The following TACR1 variants were observed in gnomAD, a reference collection of about 807,000 sequenced individuals.
TACR1 encodes the protein substance-P receptor.
TACR1 carries 25 observed loss-of-function variants against 35.8 expected under a neutral mutation model. That is an observed-to-expected ratio of 0.70 (90% CI 0.51 to 0.98). TACR1 has a LOEUF of 0.98. TACR1 is among the 50% of genes least tolerant of loss of function. The probability of loss-of-function intolerance (pLI) is 0.00; values close to 1 mark genes in which losing one functional copy is unlikely to be tolerated. For synonymous variants in TACR1, 195 were observed against 206.7 expected (o/e 0.94, Z 0.48); for missense variants, 478 against 522.9 (o/e 0.91, Z 0.84).
intron 1 of TACR1, among the ~76,000 whole-genome samples, chr2:75,161,015 A>C (rs1388558372): frequency 1.3e-5 from 2 of 152,046 alleles, no homozygotes; most frequent in Non-Finnish European, 2.9e-5. Flanking sequence ...ACATTTACAA[A>C]ATTATGACAT....
At chr2:75,117,755 A>G (rs952579091) in intron 2 of TACR1, among the ~76,000 whole-genome samples, 9 of 152,236 alleles carry the variant, frequency 5.9e-5, no homozygotes, top group Non-Finnish European at 8.8e-5. Flanking sequence ...TTAGCCTACA[A>G]TTGGGCAAAA....
intron 1 of TACR1, among the ~76,000 whole-genome samples, chr2:75,184,620 C>T (rs116299125): frequency 0.05 from 7,538 of 151,326 alleles, 208 homozygotes; most frequent in Non-Finnish European, 0.058. Flanking sequence ...AATAAATAGC[C>T]TTCTAGTACA....
chr2:75,141,542 A>AAT (rs1674407738), intron 1 of TACR1, among the ~76,000 whole-genome samples: 1 of 151,586 alleles, frequency 6.6e-6, no homozygotes, highest in African/African-American at 2.4e-5. Context: ...AAAAAAAAAA[A>AAT]CTCAAAGCTT....
intron 2 of TACR1, among the ~76,000 whole-genome samples, chr2:75,055,027 C>A (rs1300497953): frequency 6.6e-6 from 1 of 152,114 alleles, no homozygotes; most frequent in Non-Finnish European, 1.5e-5. Flanking sequence ...AAGGGAGGAG[C>A]TGAGATTAGA....
At chr2:75,092,109 TACAC>T (rs1673323803) in intron 2 of TACR1, among the ~76,000 whole-genome samples, 14 of 152,204 alleles carry the variant, frequency 9.2e-5, no homozygotes, top group Admixed American at 9.2e-4. Context: ...CAAAAGCACA[TACAC>T]ACACTAGTGA....
chr2:75,190,950 G>A (rs1222794401), intron 1 of TACR1, among the ~76,000 whole-genome samples: 2 of 152,148 alleles, frequency 1.3e-5, no homozygotes, highest in East Asian at 1.9e-4. Context: ...ACAAGAGAAG[G>A]GCAGGGGATT....
intron 1 of TACR1, among the ~76,000 whole-genome samples, chr2:75,198,333 G>A (rs1162393691): frequency 6.6e-6 from 1 of 152,160 alleles, no homozygotes; most frequent in Non-Finnish European, 1.5e-5. Flanking sequence ...TGTGTTGAAA[G>A]GAAGAGAGAG....
At chr2:75,187,723 A>G (rs1344839701) in intron 1 of TACR1, 1 of 152,212 alleles carries the variant, frequency 6.6e-6, no homozygotes, top group Non-Finnish European at 1.5e-5. Context: ...ATTTGGGTTC[A>G]TGCATTTGTG....
intron 1 of TACR1, among the ~76,000 whole-genome samples, chr2:75,181,401 G>A (rs1049622614): frequency 6.6e-6 from 1 of 151,912 alleles, no homozygotes; most frequent in African/African-American, 2.4e-5. Context: ...AAATGACAAA[G>A]AAAACATACT....
At chr2:75,182,985 A>G (rs1337441605) in intron 1 of TACR1, among the ~76,000 whole-genome samples, 1 of 152,146 alleles carries the variant, frequency 6.6e-6, no homozygotes, top group African/African-American at 2.4e-5. Context: ...ATTTCTCCCA[A>G]TTGACTGTAA....
chr2:75,120,514 G>A (rs1454313457), intron 2 of TACR1, 60 bp downstream of exon 2: 7 of 1,446,322 alleles, frequency 4.8e-6, no homozygotes, highest in East Asian at 2.3e-5. Context: ...AGAGCAAGAA[G>A]GGGCCAGGAA....
At position 75,098,546 on chromosome 2, in the gene TACR1, C is replaced by G. The variant is rs538055405; in HGVS notation, c.584+22028G>C. On this transcript the variant is annotated intron_variant, in intron 2 of 4. Coordinates refer to ENST00000305249, the MANE Select transcript of TACR1 (RefSeq NM_001058.4). Reference sequence around the variant, plus strand: ...GATGAAGAGAGACCTCTGAGAATAGCTGCCTCAATATTGGCCAATCCTTGA... The same window carrying G: ...GATGAAGAGAGACCTCTGAGAATAGGTGCCTCAATATTGGCCAATCCTTGA... Among the ~76,000 whole-genome samples the G allele has an allele frequency of 6.6e-5, 10 of 152,282 alleles. No individual in the cohort carries two copies. In the South Asian group the frequency reaches 2.1e-3, roughly 32 times the overall value.
intron 2 of TACR1, among the ~76,000 whole-genome samples, chr2:75,112,339 C>T (rs1009174805): frequency 1.3e-5 from 2 of 151,814 alleles, no homozygotes; most frequent in African/African-American, 2.4e-5. Flanking sequence ...TTTTCTTGAA[C>T]GAGTTTTATC....
At chr2:75,053,889 A>G (rs2103784288) in intron 2 of TACR1, 134 bp from the exon 3 acceptor site, 3 of 1,197,340 alleles carry the variant, frequency 2.5e-6, no homozygotes, top group South Asian at 2.8e-5. Flanking sequence ...CTTGGGCTGT[A>G]AAGCCCACTC....
At chr2:75,186,443 C>G (rs377516078) in intron 1 of TACR1, among the ~76,000 whole-genome samples, 2 of 149,414 alleles carry the variant, frequency 1.3e-5, no homozygotes, top group African/African-American at 4.9e-5. Flanking sequence ...AATAGTGGTG[C>G]TTAGGCAGTG....
intron 2 of TACR1, among the ~76,000 whole-genome samples, chr2:75,076,158 G>C (rs1672971987): frequency 6.6e-6 from 1 of 152,206 alleles, no homozygotes; most frequent in South Asian, 2.1e-4. Context: ...CACCTGAAAA[G>C]AGGGAATTGG....
intron 1 of TACR1, among the ~76,000 whole-genome samples, chr2:75,133,179 T>C (rs988907268): frequency 2.0e-5 from 3 of 152,230 alleles, no homozygotes; most frequent in Non-Finnish European, 4.4e-5. Context: ...TATTTAAATT[T>C]TGACTTGAGC....
intron 2 of TACR1, among the ~76,000 whole-genome samples, chr2:75,112,998 G>A (rs372450238): frequency 1.3e-5 from 2 of 151,994 alleles, no homozygotes; most frequent in African/African-American, 4.8e-5. Flanking sequence ...TCTATATTTA[G>A]GTTTTACCAA....
chr2:75,108,739 T>G (rs1673696879), intron 2 of TACR1, among the ~76,000 whole-genome samples: 1 of 152,164 alleles, frequency 6.6e-6, no homozygotes, highest in Non-Finnish European at 1.5e-5. Flanking sequence ...AAAAACAGCT[T>G]AATCATTATT....
Sources: allele counts gnomAD v4.1 joint callset (sites outside exome capture counted in the v4.1 genomes callset), GRCh38; gene constraint gnomAD v4.1.1; transcripts MANE v1.5; gene names NCBI Gene and HGNC (gene_info 2026-07-23, HGNC 2026-07-21).